PHTF2: variants seen among roughly 807,000 people sequenced by gnomAD.
PHTF2 encodes the protein putative homeodomain transcription factor 2.
In PHTF2, 60 loss-of-function variants were observed where a neutral mutation model predicts 101.2. The observed-to-expected ratio is 0.59, with a 90% CI of 0.48 to 0.73. The LOEUF (loss-of-function observed/expected upper bound fraction) is 0.73. Among genes scored for constraint, PHTF2 ranks in the 30% least tolerant of loss-of-function variants. The pLI is 0.00. For missense variants in PHTF2, 747 were observed against 908.7 expected (o/e 0.82, Z 2.29); for synonymous variants, 311 against 307.3 (o/e 1.01, Z -0.13).
intron 3 of PHTF2, among the ~76,000 whole-genome samples, chr7:77,877,938 C>T (rs556307608): frequency 1.3e-4 from 20 of 152,198 alleles, no homozygotes; most frequent in African/African-American, 4.6e-4. Flanking sequence ...CTTTGAATCA[C>T]TGTTGGGGGA....
intron 10 of PHTF2, among the ~76,000 whole-genome samples, chr7:77,921,244 G>A (rs1478776826): frequency 1.3e-5 from 2 of 152,034 alleles, no homozygotes; most frequent in African/African-American, 2.4e-5. Context: ...ATCTTACTGG[G>A]GACATATTTG....
At chr7:77,824,495 G>A (rs1290230732) in intron 1 of PHTF2, among the ~76,000 whole-genome samples, 1 of 151,722 alleles carries the variant, frequency 6.6e-6, no homozygotes, top group Non-Finnish European at 1.5e-5. Flanking sequence ...GTGCAATCTC[G>A]GCTCACTGCA....
intron 12 of PHTF2, among the ~76,000 whole-genome samples, chr7:77,932,589 AGAG>A (rs1029320636): frequency 3.1e-5 from 4 of 131,100 alleles, no homozygotes; most frequent in African/African-American, 1.2e-4. Flanking sequence ...AAAGAGGAAG[AGAG>A]AGAGAGAGAA....
intron 3 of PHTF2, among the ~76,000 whole-genome samples, chr7:77,857,674 G>C (rs902414297): frequency 9.2e-5 from 14 of 152,196 alleles, no homozygotes; most frequent in African/African-American, 3.4e-4. Flanking sequence ...ATGAGGCAGT[G>C]TATCTTAGTA....
At chr7:77,824,385 T>C (rs1794547277) in intron 1 of PHTF2, among the ~76,000 whole-genome samples, 1 of 152,192 alleles carries the variant, frequency 6.6e-6, no homozygotes. Context: ...CTCCCTTTAC[T>C]TCCTTTTGTT....
intron 3 of PHTF2, among the ~76,000 whole-genome samples, chr7:77,878,503 C>CT (rs1799134781): frequency 6.6e-6 from 1 of 151,948 alleles, no homozygotes; most frequent in Non-Finnish European, 1.5e-5. Flanking sequence ...TGACCTCTGG[C>CT]TACATGACTC....
chr7:77,812,593 C>CTT lies in PHTF2; in HGVS notation c.-36+13635_-36+13636dup, dbSNP rs1163639676. 1.5e-4 allele frequency among the ~76,000 whole-genome samples: 21 copies of CTT among 143,386 alleles called. No homozygotes were observed. In the South Asian group the frequency reaches 1.5e-3, roughly 11 times the overall value. The allele number at this position is 143,386 out of a possible 152,430, so 94.1% of individuals were successfully genotyped here. On this transcript the variant is annotated intron_variant, in intron 1 of 19. Transcript: ENST00000416283. ...ATGTGTACATAATCTTCTTTTTTTA[C>CTT]TTTTTTTTTTTTTTGAGACAGAGCC...
chr7:77,827,932 C>T (rs914251100), intron 1 of PHTF2, among the ~76,000 whole-genome samples: 2 of 152,286 alleles, frequency 1.3e-5, no homozygotes, highest in East Asian at 1.9e-4. Context: ...GTGCGAGCCA[C>T]GGAGCCCAGC....
At chr7:77,935,527 ATTAACTCTT>A (rs1260263425) in intron 12 of PHTF2, among the ~76,000 whole-genome samples, 5 of 152,136 alleles carry the variant, frequency 3.3e-5, no homozygotes, top group Non-Finnish European at 7.4e-5. Context: ...GCCCGGCGTA[ATTAACTCTT>A]TTAAAATTCA....
At chr7:77,822,960 AG>A (rs1794414987) in intron 1 of PHTF2, among the ~76,000 whole-genome samples, 1 of 143,114 alleles carries the variant, frequency 7.0e-6, no homozygotes, top group South Asian at 2.2e-4. Context: ...GCTGGAGTGC[AG>A]TGGCGCGATC....
intron 1 of PHTF2, among the ~76,000 whole-genome samples, chr7:77,805,870 A>G (rs1265030436): frequency 6.6e-6 from 1 of 152,198 alleles, no homozygotes; most frequent in Non-Finnish European, 1.5e-5. Flanking sequence ...TATTGGATGG[A>G]ATAATTTATA....
intron 3 of PHTF2, among the ~76,000 whole-genome samples, chr7:77,868,563 A>G (rs1798264322): frequency 6.6e-6 from 1 of 152,190 alleles, no homozygotes; most frequent in Non-Finnish European, 1.5e-5. Context: ...CAGTAAGTCA[A>G]AGAATGGATA....
intron 1 of PHTF2, among the ~76,000 whole-genome samples, chr7:77,819,698 T>A (rs944798779): frequency 6.6e-6 from 1 of 152,224 alleles, no homozygotes; most frequent in Non-Finnish European, 1.5e-5. Flanking sequence ...AGTTTTCTTC[T>A]TTTTGTTGTC....
chr7:77,918,190 A>G (rs1803107741), intron 9 of PHTF2, among the ~76,000 whole-genome samples: 1 of 152,158 alleles, frequency 6.6e-6, no homozygotes, highest in South Asian at 2.1e-4. Context: ...AGACCCTTTT[A>G]CTGGCCTACC....
exon 7 of PHTF2, chr7:77,901,883 C>T (rs1313406136): frequency 1.3e-6 from 2 of 1,598,238 alleles, no homozygotes; most frequent in Admixed American, 1.7e-5. Flanking sequence ...CATCAAAGGT[C>T]ATCTTTTTCT....
intron 1 of PHTF2, among the ~76,000 whole-genome samples, chr7:77,833,560 A>G (rs1795224443): frequency 1.3e-5 from 2 of 152,230 alleles, no homozygotes; most frequent in African/African-American, 2.4e-5. Flanking sequence ...CAGCAGTTCA[A>G]GACCAGCCTG....
chr7:77,814,306 C>T (rs1354391552), intron 1 of PHTF2, among the ~76,000 whole-genome samples: 1 of 152,188 alleles, frequency 6.6e-6, no homozygotes, highest in African/African-American at 2.4e-5. Context: ...GTGATCAATA[C>T]ATAACCTTGT....
At chr7:77,894,118 G>A in intron 5 of PHTF2, 125 bp downstream of exon 4, 1 of 805,308 alleles carries the variant, frequency 1.2e-6, no homozygotes, top group South Asian at 1.5e-5. Context: ...CTGAAAAGTT[G>A]GTCATTTTAA....
At chr7:77,846,317 C>T (rs893566504) in intron 2 of PHTF2, among the ~76,000 whole-genome samples, 1 of 152,144 alleles carries the variant, frequency 6.6e-6, no homozygotes, top group Non-Finnish European at 1.5e-5. Context: ...GGCATGTATT[C>T]CAATTATGGC....
Sources: gnomAD v4.1 joint callset for allele counts (sites outside exome capture counted in the v4.1 genomes callset) on GRCh38, gnomAD v4.1.1 for gene constraint, MANE v1.5 for transcripts, NCBI Gene and HGNC (gene_info 2026-07-23, HGNC 2026-07-21) for gene names.